Variants in COL27A1 observed in about 807,000 individuals in gnomAD.
COL27A1 encodes collagen alpha-1(XXVII) chain.
COL27A1 carries 106 observed loss-of-function variants against 251.3 expected under a neutral mutation model. The observed-to-expected ratio is 0.42, with a 90% CI of 0.36 to 0.50. COL27A1 has a LOEUF of 0.50. Among genes scored for constraint, COL27A1 ranks in the 20% least tolerant of loss-of-function variants. COL27A1 has a pLI of 0.00. For synonymous variants in COL27A1, 1,000 were observed against 986.3 expected, an observed-to-expected ratio of 1.01 and a Z score of -0.26; for missense variants, 2,325 against 2,522.8, an observed-to-expected ratio of 0.92 and a Z score of 1.68.
intron 14 of COL27A1, among the ~76,000 whole-genome samples, chr9:114,223,543 TCACCTTGG>T (rs1416516604): frequency 2.0e-5 from 3 of 152,128 alleles, no homozygotes; most frequent in Non-Finnish European, 4.4e-5. Context: ...TGACTGAACT[TCACCTTGG>T]CCTCACTTCC....
rs2131686950 is a variant in COL27A1, at chr9:114,306,576, C to T, written c.4995C>T (p.Thr1665=). Residue 1665 remains threonine, a synonymous_variant, in exon 58 of 61, where the codon ACC becomes ACT. Coordinates refer to ENST00000356083, the MANE Select transcript of COL27A1 (RefSeq NM_032888.4). ...VLDQGGEIFK[T]LHYLSNLIQS... Reference sequence around the variant, plus strand: ...ACCAGGGAGGAGAGATCTTTAAAACCTTACACTACCTCAGCAACCTCATCC... The same window carrying T: ...ACCAGGGAGGAGAGATCTTTAAAACTTTACACTACCTCAGCAACCTCATCC... 6.2e-7 allele frequency: 1 copy of T among 1,614,096 alleles called. No individual in the cohort carries two copies. The highest frequency in any genetic ancestry group is 8.5e-7 in the Non-Finnish European group (1 of 1,180,044).
intron 7 of COL27A1, among the ~76,000 whole-genome samples, chr9:114,200,931 G>T (rs1175798593): frequency 6.6e-6 from 1 of 151,996 alleles, no homozygotes; most frequent in Non-Finnish European, 1.5e-5. Flanking sequence ...GTGGAGCCTC[G>T]GTGGACAGCC....
chr9:114,158,326 A>G (rs774154976), intron 1 of COL27A1, among the ~76,000 whole-genome samples: 1 of 152,170 alleles, frequency 6.6e-6, no homozygotes, highest in Non-Finnish European at 1.5e-5. Context: ...TTTCCAGGTA[A>G]TAAGGATGGA....
intron 27 of COL27A1, among the ~76,000 whole-genome samples, chr9:114,253,456 GAAGAAAGGA>G (rs1168003501): frequency 1.5e-4 from 23 of 150,334 alleles, no homozygotes; most frequent in African/African-American, 5.4e-4. Context: ...GGGAGGGGAG[GAAGAAAGGA>G]AAGAAAGGAA....
At chr9:114,184,818 T>C (rs928421299) in intron 5 of COL27A1, among the ~76,000 whole-genome samples, 1 of 152,186 alleles carries the variant, frequency 6.6e-6, no homozygotes, top group East Asian at 1.9e-4. Flanking sequence ...ACTGCCCCCA[T>C]GGGTCAGGCA....
Position 114,281,638 on chromosome 9 carries a change from G to A in COL27A1, c.3718-639G>A, listed in dbSNP as rs113603622. On this transcript the variant is annotated intron_variant, in intron 37 of 60. Coordinates refer to ENST00000356083, the MANE Select transcript of COL27A1 (RefSeq NM_032888.4). The stretch of plus-strand genomic sequence containing the variant: ...CCCACAGGAATTGCTCGCAAGTGAC[G>A]CACAACATCTCAGAGATAGGGAAGA... 1.6e-3 allele frequency among the ~76,000 whole-genome samples: 241 copies of A among 152,328 alleles called. 1 individual carries two copies. Among genetic ancestry groups the A allele is most frequent in the African/African-American group, 5.5e-3 (229 of 41,580 alleles).
At chr9:114,262,412 A>G (rs1156891934) in intron 28 of COL27A1, among the ~76,000 whole-genome samples, 1 of 152,146 alleles carries the variant, frequency 6.6e-6, no homozygotes, top group Non-Finnish European at 1.5e-5. Context: ...AAAATTCTCA[A>G]CTGGTTTTAC....
chr9:114,269,174 G>T, intron 34 of COL27A1, 67 bp from the exon 35 acceptor site: 1 of 1,125,186 alleles, frequency 8.9e-7, no homozygotes, highest in Non-Finnish European at 1.3e-6. Context: ...GGTGGAAACA[G>T]GAAGGGGTGT....
chr9:114,206,347 A>T (rs1044834665), intron 10 of COL27A1, 51 bp downstream of exon 10: 1 of 1,588,570 alleles, frequency 6.3e-7, no homozygotes. Flanking sequence ...GGTGAGCATC[A>T]CCTGTCCCTC....
At chr9:114,268,538 T>C (rs1180479485) in intron 34 of COL27A1, among the ~76,000 whole-genome samples, 1 of 152,232 alleles carries the variant, frequency 6.6e-6, no homozygotes, top group Non-Finnish European at 1.5e-5. Flanking sequence ...TAAAGTCACA[T>C]AATTGCCATT....
intron 49 of COL27A1, among the ~76,000 whole-genome samples, chr9:114,293,166 A>G (rs1454789754): frequency 1.3e-5 from 2 of 152,242 alleles, no homozygotes; most frequent in Non-Finnish European, 2.9e-5. Flanking sequence ...CATTCAGAAC[A>G]TTTACCAAGA....
At chr9:114,190,018 C>G (rs1438957255) in intron 5 of COL27A1, among the ~76,000 whole-genome samples, 1 of 152,162 alleles carries the variant, frequency 6.6e-6, no homozygotes, top group Non-Finnish European at 1.5e-5. Flanking sequence ...ATTGCATTGT[C>G]CAGAACTTCT....
At chr9:114,240,110 C>T (rs1473993835) in intron 19 of COL27A1, 110 bp from the exon 20 acceptor site, 2 of 969,958 alleles carry the variant, frequency 2.1e-6, no homozygotes, top group African/African-American at 1.6e-5. Flanking sequence ...GCCTGGGGTC[C>T]CATCCCAGCA....
chr9:114,292,046 T>A (rs1827956464), intron 48 of COL27A1, 57 bp from the exon 49 acceptor site: 1 of 1,467,066 alleles, frequency 6.8e-7, no homozygotes, highest in African/African-American at 1.4e-5. Context: ...CTCCGCCTCC[T>A]CCTGCCTTAG....
At chr9:114,175,401 AG>A (rs1195975036) in intron 3 of COL27A1, among the ~76,000 whole-genome samples, 2 of 152,208 alleles carry the variant, frequency 1.3e-5, no homozygotes, top group African/African-American at 2.4e-5. Flanking sequence ...GAGAACAGGC[AG>A]GGTCTCGGAT....
intron 35 of COL27A1, among the ~76,000 whole-genome samples, chr9:114,270,158 T>A (rs1164475465): frequency 6.6e-6 from 1 of 152,162 alleles, no homozygotes; most frequent in East Asian, 1.9e-4. Context: ...AGTAATAGTA[T>A]CTCACATGGT....
intron 7 of COL27A1, among the ~76,000 whole-genome samples, chr9:114,202,393 G>T (rs1276961857): frequency 6.6e-6 from 1 of 152,190 alleles, no homozygotes; most frequent in Non-Finnish European, 1.5e-5. Flanking sequence ...ATACGGCAGA[G>T]TGAGCTTCAG....
rs10817586 is a variant in COL27A1 at position 114,302,125 on chromosome 9, C to G, written c.4872+17C>G. The G allele has an allele frequency of 0.35, 565,862 of 1,602,804 alleles. 106,314 individuals are homozygous for G. The highest frequency in any genetic ancestry group is 0.38 in the Non-Finnish European group (442,995 of 1,169,922). ...ATCCAATTGGTAAGTTGGAAACCTTCTCTTTTGCCTACTTGGGGTAAGGCC... is the reference window on the plus strand; with the variant it reads ...ATCCAATTGGTAAGTTGGAAACCTTGTCTTTTGCCTACTTGGGGTAAGGCC... On this transcript the variant is annotated intron_variant, in intron 56 of 60. Transcript: ENST00000356083.
intron 2 of COL27A1, among the ~76,000 whole-genome samples, chr9:114,166,252 CATCT>C (rs1188097960): frequency 2.1e-5 from 3 of 145,706 alleles, no homozygotes; most frequent in Non-Finnish European, 3.0e-5. Context: ...TCCATCCATC[CATCT>C]GTCCATCCAT....
Sources: gnomAD v4.1 joint callset for allele counts (sites outside exome capture counted in the v4.1 genomes callset) on GRCh38, gnomAD v4.1.1 for gene constraint, MANE v1.5 for transcripts, NCBI Gene and HGNC (gene_info 2026-07-23, HGNC 2026-07-21) for gene names.